The following DPH6 variants were observed in gnomAD, a reference collection of about 807,000 sequenced individuals.
DPH6 encodes diphthamine biosynthesis 6.
DPH6 carries 33 observed loss-of-function variants against 38.2 expected under a neutral mutation model. That is an observed-to-expected ratio of 0.86 (90% CI 0.65 to 1.15). DPH6 has a LOEUF of 1.15. DPH6 is among the 50% of genes most tolerant of loss of function. DPH6 has a pLI of 0.00. For missense variants in DPH6, 325 were observed against 320.0 expected (o/e 1.02, Z -0.12); for synonymous variants, 108 against 103.0 (o/e 1.05, Z -0.30).
intron 8 of DPH6, among the ~76,000 whole-genome samples, chr15:35,373,109 T>C (rs188092450): frequency 9.9e-5 from 15 of 152,044 alleles, no homozygotes; most frequent in Admixed American, 9.2e-4. Flanking sequence ...CTGGATATTT[T>C]TGTAAAGGTT....
At chr15:35,382,371 G>A (rs541203190) in intron 6 of DPH6, among the ~76,000 whole-genome samples, 1 of 152,306 alleles carries the variant, frequency 6.6e-6, no homozygotes, top group African/African-American at 2.4e-5. Context: ...GGGAGACGGA[G>A]CTCAGCCGAG....
chr15:35,463,678 T>C (rs1326731760), intron 3 of DPH6, among the ~76,000 whole-genome samples: 1 of 152,162 alleles, frequency 6.6e-6, no homozygotes, highest in Non-Finnish European at 1.5e-5. Context: ...TATTTTTGAG[T>C]AGTATTTCAT....
intron 3 of DPH6, among the ~76,000 whole-genome samples, chr15:35,460,168 T>C (rs751504106): frequency 1.3e-5 from 2 of 152,024 alleles, no homozygotes; most frequent in Non-Finnish European, 2.9e-5. Flanking sequence ...GAAAAAAGAA[T>C]AAACATCTGA....
At chr15:35,176,492 A>G in the DPH6 span, among the ~76,000 whole-genome samples, 15 of 146,200 alleles carry the variant, frequency 1.0e-4, no homozygotes, top group African/African-American at 3.8e-4. Context: ...TTTTTTTAAG[A>G]TGGAGTTTCA....
intron 3 of DPH6, among the ~76,000 whole-genome samples, chr15:35,260,695 C>T (rs2051741031): frequency 6.6e-6 from 1 of 151,640 alleles, no homozygotes; most frequent in Admixed American, 6.6e-5. Context: ...TTACCTACTT[C>T]TTTTTTTTAC....
the DPH6 span, among the ~76,000 whole-genome samples, chr15:35,166,542 T>G: frequency 6.6e-6 from 1 of 152,010 alleles, no homozygotes; most frequent in East Asian, 1.9e-4. Context: ...CCCACAATAC[T>G]AAGAGTTAAG....
At chr15:35,270,791 G>A (rs958281233) in intron 3 of DPH6, among the ~76,000 whole-genome samples, 1 of 152,210 alleles carries the variant, frequency 6.6e-6, no homozygotes, top group African/African-American at 2.4e-5. Context: ...ATAAGGAAAT[G>A]AGAAGAAAGC....
intron 6 of DPH6, among the ~76,000 whole-genome samples, chr15:35,387,913 C>G (rs1432620481): frequency 2.0e-5 from 3 of 152,098 alleles, no homozygotes; most frequent in Non-Finnish European, 4.4e-5. Flanking sequence ...GCATCCCTGT[C>G]TTGTGCCAGT....
the DPH6 span, among the ~76,000 whole-genome samples, chr15:35,149,519 G>C: frequency 6.6e-6 from 1 of 152,180 alleles, no homozygotes; most frequent in East Asian, 1.9e-4. Flanking sequence ...TTACAGGCGT[G>C]AGCCACTGTG....
At chr15:35,175,119 T>G in the DPH6 span, among the ~76,000 whole-genome samples, 1 of 152,054 alleles carries the variant, frequency 6.6e-6, no homozygotes, top group Admixed American at 6.5e-5. Flanking sequence ...GTGTAGGTAA[T>G]AGCCTTTTTG....
At chr15:35,317,816 T>C (rs932816786) in intron 3 of DPH6, among the ~76,000 whole-genome samples, 19 of 152,112 alleles carry the variant, frequency 1.2e-4, no homozygotes, top group African/African-American at 4.6e-4. Context: ...AGACCTAGCA[T>C]TGTCCAAGAA....
downstream of DPH6, among the ~76,000 whole-genome samples, chr15:35,216,815 G>A (rs1325107296): frequency 6.6e-6 from 1 of 152,164 alleles, no homozygotes; most frequent in Non-Finnish European, 1.5e-5. Flanking sequence ...CAAAAAACAA[G>A]TTGCTGAACT....
chr15:35,447,822 T>A (rs17585811), intron 5 of DPH6, among the ~76,000 whole-genome samples: 17,760 of 152,016 alleles, frequency 0.12, 1,132 homozygotes, highest in Middle Eastern at 0.2. Context: ...ATCTACGAAA[T>A]GGGAAAGATA....
chr15:35,424,641 A>G (rs910777937), intron 5 of DPH6, among the ~76,000 whole-genome samples: 1 of 151,622 alleles, frequency 6.6e-6, no homozygotes, highest in Non-Finnish European at 1.5e-5. Context: ...CTGTAATCTG[A>G]TAATTTTCTA....
intron 5 of DPH6, among the ~76,000 whole-genome samples, chr15:35,436,277 T>C (rs901916098): frequency 1.4e-4 from 21 of 151,222 alleles, no homozygotes; most frequent in Non-Finnish European, 2.5e-4. Flanking sequence ...CCATCTTGGC[T>C]AACATGGTGA....
At chr15:35,400,941 G>C in intron 6 of DPH6, 1 of 1,036,962 alleles carries the variant, frequency 9.6e-7, no homozygotes, top group South Asian at 1.3e-5. Flanking sequence ...AAGAGTTGTG[G>C]AACCAAAGAG....
chr15:35,398,327 G>C (rs995812987), intron 6 of DPH6, among the ~76,000 whole-genome samples: 1 of 152,166 alleles, frequency 6.6e-6, no homozygotes, highest in Non-Finnish European at 1.5e-5. Flanking sequence ...AACCAACCTT[G>C]TGATTAGAGG....
chr15:35,196,565 T>G, the DPH6 span, among the ~76,000 whole-genome samples: 18 of 152,328 alleles, frequency 1.2e-4, no homozygotes, highest in South Asian at 3.5e-3. Flanking sequence ...TCTGGGTAGT[T>G]GATCCACAGA....
At chr15:35,316,095 T>G (rs1049441748) in intron 3 of DPH6, among the ~76,000 whole-genome samples, 3 of 151,836 alleles carry the variant, frequency 2.0e-5, no homozygotes, top group Admixed American at 1.3e-4. Flanking sequence ...ATACATGGTT[T>G]AATAGAAGAA....
Sources: allele counts gnomAD v4.1 joint callset (sites outside exome capture counted in the v4.1 genomes callset), GRCh38; gene constraint gnomAD v4.1.1; transcripts MANE v1.5; gene names NCBI Gene and HGNC (gene_info 2026-07-23, HGNC 2026-07-21).